DCDC1: variants seen among roughly 807,000 people sequenced by gnomAD.
DCDC1 encodes doublecortin domain containing 1, also known as doublecortin domain-containing protein 1.
Under a neutral mutation model 178.3 loss-of-function variants are expected in DCDC1, and 200 were observed. That is an observed-to-expected ratio of 1.12 (90% CI 1.00 to 1.26). DCDC1 has a LOEUF of 1.26. Ranked by LOEUF, DCDC1 falls within the 50% of genes most tolerant of loss-of-function variation. The pLI is 0.00. For missense variants in DCDC1, 1,983 were observed against 1,749.2 expected (o/e 1.13, Z -2.38); for synonymous variants, 690 against 604.8 (o/e 1.14, Z -2.07).
chr11:31,099,219 A>G (rs551165595), intron 15 of DCDC1, among the ~76,000 whole-genome samples: 1 of 152,312 alleles, frequency 6.6e-6, no homozygotes, highest in South Asian at 2.1e-4. Flanking sequence ...AATTCAGGTC[A>G]GCTAACTGAA....
At chr11:31,073,171 G>C (rs1956670429) in intron 18 of DCDC1, among the ~76,000 whole-genome samples, 1 of 152,166 alleles carries the variant, frequency 6.6e-6, no homozygotes, top group Non-Finnish European at 1.5e-5. Flanking sequence ...TGGGAATTTA[G>C]AGTAGCTATT....
intron 6 of DCDC1, among the ~76,000 whole-genome samples, chr11:31,291,468 G>C (rs1947224122): frequency 6.6e-6 from 1 of 152,018 alleles, no homozygotes; most frequent in South Asian, 2.1e-4. Flanking sequence ...TCAAAGCTGT[G>C]TGCAGAAATT....
intron 9 of DCDC1, among the ~76,000 whole-genome samples, chr11:31,157,428 T>C (rs993543872): frequency 7.0e-6 from 1 of 142,280 alleles, no homozygotes; most frequent in African/African-American, 2.6e-5. Context: ...TACACACATA[T>C]ATATACATAC....
chr11:31,285,588 C>T (rs1946761768), intron 7 of DCDC1, among the ~76,000 whole-genome samples: 1 of 152,078 alleles, frequency 6.6e-6, no homozygotes, highest in Non-Finnish European at 1.5e-5. Context: ...TTGGGCCTTT[C>T]TTAAGCTTGA....
At chr11:30,936,805 G>A (rs754989086) in intron 21 of DCDC1, among the ~76,000 whole-genome samples, 12 of 152,142 alleles carry the variant, frequency 7.9e-5, no homozygotes, top group Non-Finnish European at 1.5e-4. Flanking sequence ...CCAGATAAGC[G>A]ACACAAAGGA....
intron 20 of DCDC1, among the ~76,000 whole-genome samples, chr11:31,045,217 T>C (rs1341199037): frequency 6.6e-6 from 1 of 152,134 alleles, no homozygotes; most frequent in African/African-American, 2.4e-5. Context: ...TTTTCCTACA[T>C]GTACTTCTTA....
At chr11:30,959,462 T>C (rs868247181) in intron 20 of DCDC1, among the ~76,000 whole-genome samples, 90 of 152,212 alleles carry the variant, frequency 5.9e-4, no homozygotes, top group African/African-American at 2.1e-3. Context: ...GATTCTCTTA[T>C]ATACTCCCAG....
At chr11:31,300,046 T>C (rs940027612) in intron 6 of DCDC1, among the ~76,000 whole-genome samples, 2 of 152,020 alleles carry the variant, frequency 1.3e-5, no homozygotes, top group Non-Finnish European at 2.9e-5. Flanking sequence ...TTAGTAGAGA[T>C]GGGATTTTAC....
intron 20 of DCDC1, among the ~76,000 whole-genome samples, chr11:31,025,358 T>C (rs1218301406): frequency 6.6e-6 from 1 of 151,790 alleles, no homozygotes; most frequent in Non-Finnish European, 1.5e-5. Context: ...CTTTTTTCTA[T>C]ATGAAAACAA....
intron 30 of DCDC1, among the ~76,000 whole-genome samples, chr11:30,905,985 T>C (rs1321232823): frequency 6.6e-6 from 1 of 152,320 alleles, no homozygotes; most frequent in East Asian, 1.9e-4. Flanking sequence ...CCATAGTTTT[T>C]ACTTCTACAG....
At chr11:31,093,732 G>T (rs1957955721) in intron 16 of DCDC1, among the ~76,000 whole-genome samples, 1 of 152,178 alleles carries the variant, frequency 6.6e-6, no homozygotes, top group Non-Finnish European at 1.5e-5. Flanking sequence ...AGATCTAGGA[G>T]TAGAAGCACA....
At chr11:31,335,992 T>C (rs566396090) in intron 1 of DCDC1, among the ~76,000 whole-genome samples, 17 of 152,354 alleles carry the variant, frequency 1.1e-4, no homozygotes, top group African/African-American at 3.8e-4. Flanking sequence ...GCATTATTCG[T>C]TGACATTGTT....
chr11:31,279,116 T>C (rs1457202280), intron 7 of DCDC1, among the ~76,000 whole-genome samples: 1 of 152,192 alleles, frequency 6.6e-6, no homozygotes, highest in East Asian at 1.9e-4. Flanking sequence ...GGACCTTCTT[T>C]CATTTCTCTC....
chr11:31,366,016 A>G (rs1324765907), intron 1 of DCDC1, among the ~76,000 whole-genome samples: 1 of 152,204 alleles, frequency 6.6e-6, no homozygotes, highest in African/African-American at 2.4e-5. Flanking sequence ...AATAACAACA[A>G]TAGCTAACCT....
intron 9 of DCDC1, among the ~76,000 whole-genome samples, chr11:31,210,007 T>C (rs1460576188): frequency 6.6e-6 from 1 of 152,198 alleles, no homozygotes; most frequent in Non-Finnish European, 1.5e-5. Flanking sequence ...ACTTTCATTA[T>C]TAATTGAATG....
At chr11:30,915,808 C>T in intron 26 of DCDC1, 97 bp from the exon 27 acceptor site, 2 of 1,272,728 alleles carry the variant, frequency 1.6e-6, no homozygotes, top group South Asian at 1.3e-5. Context: ...TTGGTGAGAG[C>T]TCCAACGTGA....
At chr11:31,129,797 A>G (rs939269467) in intron 10 of DCDC1, among the ~76,000 whole-genome samples, 1 of 151,932 alleles carries the variant, frequency 6.6e-6, no homozygotes, top group Admixed American at 6.6e-5. Flanking sequence ...AAATTCATCC[A>G]CCTTGAAAAG....
chr11:30,938,785 G>A (rs1947443651), intron 21 of DCDC1, among the ~76,000 whole-genome samples: 1 of 152,064 alleles, frequency 6.6e-6, no homozygotes, highest in Non-Finnish European at 1.5e-5. Context: ...CATAGTTTGG[G>A]GGTTATTTCC....
chr11:30,922,690 T>C, intron 23 of DCDC1, 52 bp from the exon 24 acceptor site: 1 of 1,421,874 alleles, frequency 7.0e-7, no homozygotes. Flanking sequence ...AGCAGCATTA[T>C]CTGTAATAAT....
Sources: allele counts gnomAD v4.1 joint callset (sites outside exome capture counted in the v4.1 genomes callset), GRCh38; gene constraint gnomAD v4.1.1; transcripts MANE v1.5; gene names NCBI Gene and HGNC (gene_info 2026-07-23, HGNC 2026-07-21).